Variants in RAP1GDS1 observed in about 807,000 individuals in gnomAD.
RAP1GDS1 encodes the protein RAP1, GTP-GDP dissociation stimulator 1.
In RAP1GDS1, 35 loss-of-function variants were observed where a neutral mutation model predicts 71.1. The ratio of observed to expected loss-of-function variants is 0.49; its 90% CI spans 0.38 to 0.65. The LOEUF is 0.65. Among genes scored for constraint, RAP1GDS1 ranks in the 30% least tolerant of loss-of-function variants. The pLI, the probability that RAP1GDS1 is intolerant of heterozygous loss-of-function variation, is 0.00. For missense variants in RAP1GDS1, 663 were observed against 706.1 expected (o/e 0.94, Z 0.69); for synonymous variants, 229 against 243.1 (o/e 0.94, Z 0.54).
chr4:98,437,195 G>A, intron 14 of RAP1GDS1, 127 bp downstream of exon 14: 1 of 994,914 alleles, frequency 1.0e-6, no homozygotes, highest in Non-Finnish European at 1.3e-6. Flanking sequence ...GAGGTTATAA[G>A]ATAACTTTTT....
At chr4:98,381,450 T>C in intron 5 of RAP1GDS1, among the ~76,000 whole-genome samples, 1 of 151,630 alleles carries the variant, frequency 6.6e-6, no homozygotes, top group Admixed American at 6.6e-5. Flanking sequence ...GCGTCTTTAT[T>C]GTTTTGTCCA....
rs1748574316 is a variant in RAP1GDS1 at position 98,419,947 on chromosome 4, C to A, written c.1175-72C>A. ...ATGGATCTTAAAGATACTTAATAAA[C>A]CTGTATTGAATTGAATGTTTATCAA... On this transcript the variant is annotated intron_variant, in intron 10 of 14. Transcript: ENST00000408927. 4 of 1,302,208 alleles carry A rather than the reference C, an allele frequency of 3.1e-6. No individual in the cohort carries two copies. In the South Asian group the frequency reaches 5.7e-5, roughly 19 times the overall value. 80.7% of individuals were successfully genotyped at this position (1,302,208 alleles called of 1,614,324 possible). A position where few individuals can be genotyped will look rare whatever the true frequency, so the allele number is the denominator to read the frequency against.
At chr4:98,423,959 A>G (rs1749254257) in intron 12 of RAP1GDS1, among the ~76,000 whole-genome samples, 1 of 152,198 alleles carries the variant, frequency 6.6e-6, no homozygotes, top group African/African-American at 2.4e-5. Context: ...TGAGTTGAGC[A>G]ATTTGAAATT....
At chr4:98,313,068 CAAAAAAAAAA>C (rs556945198) in intron 2 of RAP1GDS1, among the ~76,000 whole-genome samples, 6,251 of 38,158 alleles carry the variant, frequency 0.16, 196 homozygotes, top group Admixed American at 0.31. Context: ...GACTCTGTCT[CAAAAAAAAAA>C]AAAAAAAAAA....
At chr4:98,342,640 G>C (rs1735655899) in intron 2 of RAP1GDS1, among the ~76,000 whole-genome samples, 1 of 152,120 alleles carries the variant, frequency 6.6e-6, no homozygotes, top group African/African-American at 2.4e-5. Context: ...AAACATAGGA[G>C]TCATAGGAAC....
At chr4:98,356,570 T>TA (rs1295670448) in intron 4 of RAP1GDS1, among the ~76,000 whole-genome samples, 9 of 152,034 alleles carry the variant, frequency 5.9e-5, no homozygotes. Context: ...TTACGTGAAA[T>TA]TAAATATTTG....
intron 12 of RAP1GDS1, among the ~76,000 whole-genome samples, chr4:98,422,851 C>G (rs1030326661): frequency 6.6e-6 from 1 of 152,098 alleles, no homozygotes; most frequent in African/African-American, 2.4e-5. Flanking sequence ...TCACCCAGAC[C>G]ACCCTAAAAG....
intron 1 of RAP1GDS1, among the ~76,000 whole-genome samples, chr4:98,280,144 A>G (rs567344360): frequency 3.4e-3 from 515 of 152,330 alleles, no homozygotes; most frequent in African/African-American, 0.012. Flanking sequence ...TTGCTGGGTC[A>G]AATGATATTT....
At chr4:98,303,425 T>C (rs1728858120) in intron 2 of RAP1GDS1, among the ~76,000 whole-genome samples, 1 of 151,754 alleles carries the variant, frequency 6.6e-6, no homozygotes, top group African/African-American at 2.4e-5. Context: ...TCATTAATAG[T>C]TTTAGAAATA....
At chr4:98,326,357 T>C (rs1415074709) in intron 2 of RAP1GDS1, among the ~76,000 whole-genome samples, 2 of 152,160 alleles carry the variant, frequency 1.3e-5, no homozygotes, top group Non-Finnish European at 2.9e-5. Flanking sequence ...AATATCAAAT[T>C]TCTACTTGGT....
intron 14 of RAP1GDS1, 119 bp from the exon 15 acceptor site, chr4:98,441,871 T>C: frequency 8.7e-7 from 1 of 1,149,172 alleles, no homozygotes; most frequent in Non-Finnish European, 1.2e-6. Context: ...TATGTCTTTT[T>C]CCAGAATTGT....
At chr4:98,382,127 A>G (rs938184101) in intron 5 of RAP1GDS1, among the ~76,000 whole-genome samples, 2 of 151,580 alleles carry the variant, frequency 1.3e-5, no homozygotes, top group Admixed American at 6.6e-5. Flanking sequence ...ATCAGTTTCA[A>G]AAGTTTTAAA....
In RAP1GDS1 at chr4:98,443,228, A is replaced by G. The variant is rs780074650; in HGVS notation, c.*1111A>G. On this transcript the variant is annotated 3_prime_UTR_variant, in exon 15 of 15. Coordinates refer to ENST00000408927, the MANE Select transcript of RAP1GDS1 (RefSeq NM_001100427.2). ...TCATTCTGCAGATGGCCCCATACCA[A>G]TCGCTGTTAGAGTTTGCCACCTCCA... 2 of 232,324 alleles carry G rather than the reference A, an allele frequency of 8.6e-6. No homozygotes were observed. The highest frequency in any genetic ancestry group is 1.7e-5 in the Non-Finnish European group (2 of 117,722). The allele number at this position is 232,324 out of a possible 1,614,324, so 14.4% of individuals were successfully genotyped here.
At chr4:98,286,852 C>T (rs1430178256) in intron 1 of RAP1GDS1, among the ~76,000 whole-genome samples, 3 of 138,080 alleles carry the variant, frequency 2.2e-5, no homozygotes, top group Admixed American at 7.8e-5. Context: ...CGTCATTGCA[C>T]TTCAGCCTGG....
intron 1 of RAP1GDS1, among the ~76,000 whole-genome samples, chr4:98,276,484 CTT>C (rs755154216): frequency 3.5e-5 from 5 of 141,818 alleles, no homozygotes; most frequent in Non-Finnish European, 4.6e-5. Context: ...TTTACATACC[CTT>C]TTTTTTTTTT....
At chr4:98,331,907 A>C (rs1467675818) in intron 2 of RAP1GDS1, among the ~76,000 whole-genome samples, 1 of 152,188 alleles carries the variant, frequency 6.6e-6, no homozygotes, top group African/African-American at 2.4e-5. Context: ...ATTTATTTTA[A>C]CCAGAGTAAT....
intron 3 of RAP1GDS1, among the ~76,000 whole-genome samples, chr4:98,344,105 T>C (rs1735905033): frequency 6.6e-6 from 1 of 152,232 alleles, no homozygotes; most frequent in African/African-American, 2.4e-5. Context: ...AATGTATTTT[T>C]AGATGTGTTG....
At chr4:98,329,180 CAAAT>C (rs1489643507) in intron 2 of RAP1GDS1, among the ~76,000 whole-genome samples, 1 of 152,100 alleles carries the variant, frequency 6.6e-6, no homozygotes, top group Non-Finnish European at 1.5e-5. Context: ...AGAATACTCA[CAAAT>C]AATTTTTGAA....
At chr4:98,414,645 A>G (rs1249637869) in intron 7 of RAP1GDS1, among the ~76,000 whole-genome samples, 2 of 149,406 alleles carry the variant, frequency 1.3e-5, no homozygotes, top group Non-Finnish European at 3.0e-5. Context: ...GAAGTCAGGT[A>G]GTGTGATGCC....
Sources: gnomAD v4.1 joint callset for allele counts (sites outside exome capture counted in the v4.1 genomes callset) on GRCh38, gnomAD v4.1.1 for gene constraint, MANE v1.5 for transcripts, NCBI Gene and HGNC (gene_info 2026-07-23, HGNC 2026-07-21) for gene names.